Variants in DLGAP1 observed in about 807,000 individuals in gnomAD.
The protein encoded by DLGAP1 is DLG associated protein 1.
A neutral mutation model predicts 90.8 loss-of-function variants in DLGAP1; 11 were observed. The ratio of observed to expected loss-of-function variants is 0.12; its 90% CI spans 0.08 to 0.20. DLGAP1 has a LOEUF of 0.20. DLGAP1 is among the 10% of genes least tolerant of loss of function. DLGAP1 has a pLI of 1.00. For missense variants in DLGAP1, 1,050 were observed against 1,333.8 expected, an observed-to-expected ratio of 0.79 and a Z score of 3.31; for synonymous variants, 558 against 540.7, an observed-to-expected ratio of 1.03 and a Z score of -0.44.
At chr18:3,839,370 A>G (rs979885353) in intron 4 of DLGAP1, among the ~76,000 whole-genome samples, 1 of 152,150 alleles carries the variant, frequency 6.6e-6, no homozygotes, top group Non-Finnish European at 1.5e-5. Context: ...GGAGGGAGCA[A>G]CAAGCCCTCA....
At chr18:4,015,927 A>AT (rs2074515918) in intron 2 of DLGAP1, among the ~76,000 whole-genome samples, 2 of 152,368 alleles carry the variant, frequency 1.3e-5, no homozygotes, top group Admixed American at 1.3e-4. Context: ...AAATCAAGAT[A>AT]TATAAAGGTA....
intron 5 of DLGAP1, among the ~76,000 whole-genome samples, chr18:3,793,190 C>G (rs1231109170): frequency 6.6e-6 from 1 of 152,188 alleles, no homozygotes; most frequent in Non-Finnish European, 1.5e-5. Flanking sequence ...ATGGCCTCTC[C>G]AGAGTCATCC....
At chr18:3,859,319 C>T (rs565492760) in intron 4 of DLGAP1, among the ~76,000 whole-genome samples, 1 of 152,290 alleles carries the variant, frequency 6.6e-6, no homozygotes, top group Non-Finnish European at 1.5e-5. Flanking sequence ...TAATTTCACA[C>T]ATCTTTCACA....
intron 1 of DLGAP1, among the ~76,000 whole-genome samples, chr18:4,331,693 T>G (rs1302835839): frequency 6.6e-6 from 1 of 151,854 alleles, no homozygotes; most frequent in African/African-American, 2.4e-5. Flanking sequence ...TTTCTCCTTG[T>G]GGACCACCAC....
chr18:4,321,456 C>T (rs1309802503), intron 1 of DLGAP1, among the ~76,000 whole-genome samples: 1 of 152,182 alleles, frequency 6.6e-6, no homozygotes, highest in East Asian at 1.9e-4. Context: ...CAGTGAAAAA[C>T]ACCAGAGTGG....
intron 6 of DLGAP1, among the ~76,000 whole-genome samples, chr18:3,740,746 C>A (rs1226513130): frequency 2.0e-5 from 3 of 151,950 alleles, no homozygotes; most frequent in African/African-American, 7.3e-5. Flanking sequence ...TCACGACCAC[C>A]ACCACCACCA....
intron 2 of DLGAP1, among the ~76,000 whole-genome samples, chr18:4,030,506 T>A (rs1172619838): frequency 2.0e-5 from 3 of 152,214 alleles, no homozygotes; most frequent in Non-Finnish European, 2.9e-5. Context: ...CATCTGAACC[T>A]CCAGCCCATC....
intron 11 of DLGAP1, among the ~76,000 whole-genome samples, chr18:3,503,454 G>A (rs2050052563): frequency 1.3e-5 from 2 of 152,224 alleles, no homozygotes; most frequent in South Asian, 4.1e-4. Context: ...TATGCCCTAA[G>A]ACAGGAAAAA....
chr18:4,078,487 T>C (rs746784078), intron 2 of DLGAP1, among the ~76,000 whole-genome samples: 7 of 152,142 alleles, frequency 4.6e-5, no homozygotes, highest in Non-Finnish European at 1.0e-4. Context: ...ACTCTTGAAA[T>C]GAGTGCTAAC....
At chr18:3,888,247 T>C (rs1270885905) in intron 3 of DLGAP1, among the ~76,000 whole-genome samples, 1 of 152,030 alleles carries the variant, frequency 6.6e-6, no homozygotes, top group Non-Finnish European at 1.5e-5. Flanking sequence ...GATAACTCAA[T>C]GTCATGTTCT....
intron 7 of DLGAP1, among the ~76,000 whole-genome samples, chr18:3,652,163 CA>C (rs756445206): frequency 1.0e-3 from 96 of 93,428 alleles, no homozygotes; most frequent in Admixed American, 1.7e-3. Flanking sequence ...GACTCTGTAT[CA>C]AAAAAAAAAA....
chr18:4,091,809 T>G (rs566588832), intron 2 of DLGAP1, among the ~76,000 whole-genome samples: 5 of 152,312 alleles, frequency 3.3e-5, no homozygotes, highest in Admixed American at 2.0e-4. Context: ...ATATTAAACA[T>G]GGTCATTTTA....
In DLGAP1 at chr18:4,348,410, G is replaced by A. The variant is rs796744806; in HGVS notation, c.-267+106596C>T. Reference sequence around the variant, plus strand: ...AGGATGAACTCAGGAATGTGTGTGTGTGTGTGTGTGTGTGTGTGTGTGTGT... The same window carrying A: ...AGGATGAACTCAGGAATGTGTGTGTATGTGTGTGTGTGTGTGTGTGTGTGT... On this transcript the variant is annotated intron_variant, in intron 1 of 12. Coordinates refer to ENST00000315677, the MANE Select transcript of DLGAP1 (RefSeq NM_004746.4). Among the ~76,000 whole-genome samples the A allele has an allele frequency of 4.0e-3, 599 of 150,396 alleles. 4 individuals are homozygous for A. The highest frequency in any genetic ancestry group is 6.8e-3 in the Middle Eastern group (2 of 292).
intron 7 of DLGAP1, among the ~76,000 whole-genome samples, chr18:3,695,456 G>C (rs2061060463): frequency 6.6e-6 from 1 of 152,198 alleles, no homozygotes; most frequent in South Asian, 2.1e-4. Flanking sequence ...TTATTAAACA[G>C]GGAATCCTTT....
intron 1 of DLGAP1, among the ~76,000 whole-genome samples, chr18:4,236,187 T>C (rs117908439): frequency 0.025 from 3,859 of 152,314 alleles, 82 homozygotes; most frequent in Non-Finnish European, 0.04. Flanking sequence ...TAATATTACC[T>C]GCCTCATAGG....
chr18:4,232,590 G>T (rs1404483884), intron 1 of DLGAP1, among the ~76,000 whole-genome samples: 1 of 152,250 alleles, frequency 6.6e-6, no homozygotes, highest in African/African-American at 2.4e-5. Flanking sequence ...AGAAAGAAGT[G>T]CAAGAGCCTA....
At chr18:4,407,705 C>A (rs2082691743) in intron 1 of DLGAP1, among the ~76,000 whole-genome samples, 1 of 151,942 alleles carries the variant, frequency 6.6e-6, no homozygotes, top group African/African-American at 2.4e-5. Flanking sequence ...ATGGTGATAC[C>A]CAGTCTCTAC....
intron 1 of DLGAP1, among the ~76,000 whole-genome samples, chr18:4,442,152 G>A (rs1022105002): frequency 1.3e-5 from 2 of 151,892 alleles, no homozygotes; most frequent in Admixed American, 6.6e-5. Context: ...CCACCATGCC[G>A]GGATATTTTT....
At chr18:3,732,286 C>T (rs1305919109) in intron 6 of DLGAP1, among the ~76,000 whole-genome samples, 1 of 152,190 alleles carries the variant, frequency 6.6e-6, no homozygotes, top group Non-Finnish European at 1.5e-5. Flanking sequence ...TTTATTTCAT[C>T]AGGAGGCACA....
Sources: gnomAD v4.1 joint callset for allele counts (sites outside exome capture counted in the v4.1 genomes callset) on GRCh38, gnomAD v4.1.1 for gene constraint, MANE v1.5 for transcripts, NCBI Gene and HGNC (gene_info 2026-07-23, HGNC 2026-07-21) for gene names.